The following ADAT1 variants were observed in gnomAD, a reference collection of about 807,000 sequenced individuals.
ADAT1 encodes tRNA-specific adenosine deaminase 1.
In ADAT1, 58 loss-of-function variants were observed where a neutral mutation model predicts 58.6. The ratio of observed to expected loss-of-function variants is 0.99; its 90% CI spans 0.80 to 1.23. The LOEUF is 1.23. ADAT1 is among the 50% of genes most tolerant of loss of function. The probability of loss-of-function intolerance (pLI) is 0.00; values close to 1 mark genes in which losing one functional copy is unlikely to be tolerated. For missense variants in ADAT1, 741 were observed against 608.6 expected, an observed-to-expected ratio of 1.22 and a Z score of -2.29; for synonymous variants, 254 against 220.8, an observed-to-expected ratio of 1.15 and a Z score of -1.33.
intron 5 of ADAT1, among the ~76,000 whole-genome samples, chr16:75,616,058 G>C (rs534939930): frequency 7.9e-5 from 12 of 151,254 alleles, no homozygotes; most frequent in African/African-American, 2.7e-4. Flanking sequence ...ATCCAGGCTG[G>C]AGTGCAACGG....
rs2081100213 is a variant in ADAT1, at chr16:75,597,452, T to C, written c.*2764A>G. Reference sequence around the variant, plus strand: ...CAGTCCCCAAGGCACGAAAAAGTCTTCCTTAGAGCAGCAGTCCCCAACCTT... The same window carrying C: ...CAGTCCCCAAGGCACGAAAAAGTCTCCCTTAGAGCAGCAGTCCCCAACCTT... On this transcript the variant is annotated 3_prime_UTR_variant, in exon 10 of 10. Transcript: ENST00000564657. 2.3e-6 allele frequency: 1 copy of C among 437,536 alleles called. No homozygotes were observed. The highest frequency in any genetic ancestry group is 4.6e-6 in the Non-Finnish European group (1 of 218,212). 27.1% of individuals were successfully genotyped at this position (437,536 alleles called of 1,614,324 possible).
Position 75,597,528 on chromosome 16 carries a change from G to A in ADAT1, c.*2688C>T. ...GAAGATAATTTTTCCACAGATCCGGGGTGGGGATAGGGGGATAGTTTCGGG... is the reference window on the plus strand; with the variant it reads ...GAAGATAATTTTTCCACAGATCCGGAGTGGGGATAGGGGGATAGTTTCGGG... On this transcript the variant is annotated 3_prime_UTR_variant, in exon 10 of 10. Transcript: ENST00000564657. 1 of 346,390 alleles carries A rather than the reference G, an allele frequency of 2.9e-6. No individual in the cohort carries two copies. The highest frequency in any genetic ancestry group is 2.2e-5 in the South Asian group (1 of 44,762). The allele number at this position is 346,390 out of a possible 1,614,324, so 21.5% of individuals were successfully genotyped here.
In ADAT1 at chr16:75,612,630, C is replaced by G; in HGVS notation, c.656G>C (p.Gly219Ala). Reference sequence around the variant, plus strand: ...TGAGATTGGGCCACTTTTCTGCTTGCCAAAACTCTGATGGTGAGCTGCTCC... The same window carrying G: ...TGAGATTGGGCCACTTTTCTGCTTGGCAAAACTCTGATGGTGAGCTGCTCC... The part of the protein sequence containing the change: ...TNGAAHHQSF[G>A]KQKSGPISPG... The change falls in exon 6 of 10, where the codon GGC becomes GCC. Residue 219 changes from glycine to alanine, a missense_variant. Coordinates refer to ENST00000564657, the MANE Select transcript of ADAT1 (RefSeq NM_001324445.2). 6.2e-7 allele frequency: 1 copy of G among 1,614,052 alleles called. No homozygotes were observed.
Position 75,597,616 on chromosome 16 carries a change from T to G in ADAT1, c.*2600A>C, listed in dbSNP as rs542040752. ...TCTATTATTATTACATCGTAATACA[T>G]GATGAAATAATTATACAACTCACCA... On this transcript the variant is annotated 3_prime_UTR_variant, in exon 10 of 10. Transcript: ENST00000564657. Among the ~76,000 whole-genome samples the G allele has an allele frequency of 6.6e-6, 1 of 152,332 alleles. No individual in the cohort carries two copies. The highest frequency in any genetic ancestry group is 2.4e-5 in the African/African-American group (1 of 41,566).
chr16:75,610,141 T>A (rs1429504527), intron 6 of ADAT1, among the ~76,000 whole-genome samples: 2 of 152,270 alleles, frequency 1.3e-5, no homozygotes, highest in African/African-American at 2.4e-5. Flanking sequence ...CATGTAATAG[T>A]ACTTCAGTCG....
Position 75,620,295 on chromosome 16 carries a change from C to T in ADAT1, c.209G>A (p.Cys70Tyr). Residue 70 changes from cysteine (C) to tyrosine (Y), a missense_variant, in exon 3 of 10, where the codon TGC becomes TAC. Transcript: ENST00000564657. ...EVVSMGTGTKCIGQSKMRKNG... is the reference protein window; with the variant it reads ...EVVSMGTGTKYIGQSKMRKNG... ...CTTCCTCATTTTGGACTGTCCTATG[C>T]ATTTTGTTCCTGTTCCCATTGACAC... 6.2e-7 allele frequency: 1 copy of T among 1,614,180 alleles called. No homozygotes were observed. Among genetic ancestry groups the T allele is most frequent in the Non-Finnish European group, 8.5e-7 (1 of 1,180,010 alleles).
In ADAT1 at chr16:75,618,648, A is replaced by T; in HGVS notation, c.239-8T>A. The T allele has an allele frequency of 6.2e-7, 1 of 1,612,926 alleles. No individual in the cohort carries two copies. Among genetic ancestry groups the T allele is most frequent in the South Asian group, 1.1e-5 (1 of 90,968 alleles). ...TATCATTGAGGATGTCTCCTGCGGC[A>T]AAGATAGGACACCAGGTGAAGACAT... On this transcript the variant is annotated splice_polypyrimidine_tract_variant and splice_region_variant and intron_variant, in intron 3 of 9. Coordinates refer to ENST00000564657, the MANE Select transcript of ADAT1 (RefSeq NM_001324445.2).
intron 6 of ADAT1, among the ~76,000 whole-genome samples, chr16:75,611,918 C>G (rs965943386): frequency 3.3e-5 from 5 of 151,766 alleles, no homozygotes; most frequent in Admixed American, 6.6e-5. Context: ...ATTAGCCAGG[C>G]GTGGTGGCGC....
At chr16:75,610,236 G>C (rs1030469336) in intron 6 of ADAT1, among the ~76,000 whole-genome samples, 1 of 150,154 alleles carries the variant, frequency 6.7e-6, no homozygotes, top group African/African-American at 2.4e-5. Context: ...TTGTCTTTTT[G>C]TTTATTATGA....
intron 6 of ADAT1, among the ~76,000 whole-genome samples, chr16:75,611,038 C>A (rs1445756865): frequency 6.6e-6 from 1 of 152,138 alleles, no homozygotes; most frequent in Non-Finnish European, 1.5e-5. Context: ...CACTTGAGCT[C>A]AGGAACTGGA....
intron 8 of ADAT1, among the ~76,000 whole-genome samples, chr16:75,604,044 G>C (rs1357314159): frequency 7.9e-5 from 12 of 152,148 alleles, no homozygotes; most frequent in Non-Finnish European, 7.3e-5. Flanking sequence ...AGCTGGAGTG[G>C]CTGCTGGCAC....
At chr16:75,603,585 G>T (rs1014491279) in intron 8 of ADAT1, among the ~76,000 whole-genome samples, 1 of 152,124 alleles carries the variant, frequency 6.6e-6, no homozygotes, top group African/African-American at 2.4e-5. Flanking sequence ...CCACTTGGAC[G>T]AGCCACCTGA....
intron 6 of ADAT1, among the ~76,000 whole-genome samples, chr16:75,611,246 A>G (rs911306102): frequency 1.3e-5 from 2 of 152,156 alleles, no homozygotes; most frequent in African/African-American, 2.4e-5. Flanking sequence ...CCCATAATAC[A>G]ACTCAGAGAT....
intron 6 of ADAT1, among the ~76,000 whole-genome samples, chr16:75,610,455 C>G (rs1278514617): frequency 6.6e-6 from 1 of 152,050 alleles, no homozygotes; most frequent in Non-Finnish European, 1.5e-5. Context: ...TGCCACCACA[C>G]CTGGCTGAGT....
intron 8 of ADAT1, among the ~76,000 whole-genome samples, chr16:75,607,268 T>C (rs1433608484): frequency 6.6e-6 from 1 of 151,056 alleles, no homozygotes; most frequent in African/African-American, 2.4e-5. Flanking sequence ...TTTTGGGAGG[T>C]TGAGGCGGGT....
chr16:75,617,023 G>T (rs971570622), intron 5 of ADAT1, 119 bp downstream of exon 5: 2 of 1,271,812 alleles, frequency 1.6e-6, no homozygotes, highest in South Asian at 1.5e-5. Context: ...GTGGCTACTT[G>T]TGACTACCTG....
Position 75,617,183 on chromosome 16 carries a change from C to T in ADAT1, c.383G>A (p.Arg128Lys), listed in dbSNP as rs2081758721. The change falls in exon 5 of 10, where the codon AGA (arginine) becomes AAA (lysine). Residue 128 changes from arginine to lysine, a missense_variant. Coordinates refer to ENST00000564657, the MANE Select transcript of ADAT1 (RefSeq NM_001324445.2). ...PGTQKGVWKL[R>K]RDLIFVFFSS... ...GAAAAACACAAAAATGAGGTCTCGT[C>T]TAAGTTTCCACACTCCTTTTTGAGT... The T allele has an allele frequency of 6.2e-6, 10 of 1,613,936 alleles. No individual in the cohort carries two copies. Among genetic ancestry groups the T allele is most frequent in the Non-Finnish European group, 8.5e-6 (10 of 1,179,840 alleles).
At chr16:75,603,405 C>T (rs888093157) in intron 8 of ADAT1, among the ~76,000 whole-genome samples, 4 of 152,134 alleles carry the variant, frequency 2.6e-5, no homozygotes, top group Non-Finnish European at 5.9e-5. Context: ...AAGTAACAAG[C>T]CCAAACGGGT....
chr16:75,605,092 T>C (rs1013483590), intron 8 of ADAT1, among the ~76,000 whole-genome samples: 1 of 152,198 alleles, frequency 6.6e-6, no homozygotes, highest in African/African-American at 2.4e-5. Flanking sequence ...TGATTTTCTT[T>C]TCTCTTTTTT....
Sources: gnomAD v4.1 joint callset for allele counts (sites outside exome capture counted in the v4.1 genomes callset) on GRCh38, gnomAD v4.1.1 for gene constraint, MANE v1.5 for transcripts, NCBI Gene and HGNC (gene_info 2026-07-23, HGNC 2026-07-21) for gene names.